SMARCC1: variants seen among roughly 807,000 people sequenced by gnomAD.
The protein encoded by SMARCC1 is SWI/SNF related BAF chromatin remodeling complex subunit C1, also known as SWI/SNF complex subunit SMARCC1.
In SMARCC1, 43 loss-of-function variants were observed where a neutral mutation model predicts 147.4. That is an observed-to-expected ratio of 0.29 (90% CI 0.23 to 0.38). The LOEUF (loss-of-function observed/expected upper bound fraction) is 0.38. SMARCC1 is among the 10% of genes least tolerant of loss of function. The pLI, the probability that SMARCC1 is intolerant of heterozygous loss-of-function variation, is 1.00. For missense variants in SMARCC1, 1,119 were observed against 1,381.1 expected (o/e 0.81, Z 3.01); for synonymous variants, 495 against 484.4 (o/e 1.02, Z -0.29).
chr3:47,780,878 G>C (rs1463082877), intron 1 of SMARCC1, among the ~76,000 whole-genome samples: 1 of 151,924 alleles, frequency 6.6e-6, no homozygotes, highest in African/African-American at 2.4e-5. Flanking sequence ...TCAAAACTTT[G>C]AAAACTACTG....
chr3:47,602,424 A>G (rs2032402432), intron 26 of SMARCC1, among the ~76,000 whole-genome samples: 1 of 152,146 alleles, frequency 6.6e-6, no homozygotes, highest in Non-Finnish European at 1.5e-5. Flanking sequence ...CAGCCTCCCA[A>G]GTAGTTGGGA....
At chr3:47,669,855 G>A (rs1576405538) in intron 19 of SMARCC1, among the ~76,000 whole-genome samples, 1 of 152,324 alleles carries the variant, frequency 6.6e-6, no homozygotes, top group East Asian at 1.9e-4. Flanking sequence ...ATGTCACCAA[G>A]TCCACTCTAT....
At chr3:47,648,369 T>C (rs564473992) in intron 21 of SMARCC1, among the ~76,000 whole-genome samples, 2 of 152,168 alleles carry the variant, frequency 1.3e-5, no homozygotes, top group South Asian at 2.1e-4. Context: ...AAAAATTACA[T>C]GTCCCCTTGT....
At chr3:47,779,408 T>C (rs1227719508) in intron 1 of SMARCC1, among the ~76,000 whole-genome samples, 2 of 152,220 alleles carry the variant, frequency 1.3e-5, no homozygotes, top group African/African-American at 4.8e-5. Flanking sequence ...GCAAAGAACT[T>C]TGTGATAATA....
At chr3:47,758,413 G>C (rs916682920) in intron 2 of SMARCC1, among the ~76,000 whole-genome samples, 2 of 151,806 alleles carry the variant, frequency 1.3e-5, no homozygotes, top group African/African-American at 4.8e-5. Flanking sequence ...GCCACACGTG[G>C]TAGTATATGC....
At chr3:47,737,652 C>CT (rs374973545) in intron 4 of SMARCC1, among the ~76,000 whole-genome samples, 2 of 151,356 alleles carry the variant, frequency 1.3e-5, no homozygotes, top group East Asian at 1.9e-4. Flanking sequence ...GAGAGCCAAT[C>CT]TTTTTTTTGT....
intron 2 of SMARCC1, among the ~76,000 whole-genome samples, chr3:47,763,561 G>C (rs1259617010): frequency 6.6e-6 from 1 of 151,652 alleles, no homozygotes; most frequent in Non-Finnish European, 1.5e-5. Context: ...TCAAACTCTT[G>C]AGCTCAGAGG....
At chr3:47,771,035 C>T (rs1219725128) in intron 2 of SMARCC1, among the ~76,000 whole-genome samples, 12 of 152,102 alleles carry the variant, frequency 7.9e-5, no homozygotes, top group Non-Finnish European at 1.8e-4. Context: ...CTCAGCCTCC[C>T]AAGGAGCTGG....
intron 19 of SMARCC1, chr3:47,670,403 G>T: frequency 2.1e-6 from 1 of 474,330 alleles, no homozygotes; most frequent in South Asian, 3.2e-5. Context: ...TGGACAACAT[G>T]GTGAAAGCCC....
intron 21 of SMARCC1, among the ~76,000 whole-genome samples, chr3:47,660,212 C>T (rs1011216861): frequency 1.3e-5 from 2 of 151,722 alleles, no homozygotes; most frequent in Admixed American, 6.6e-5. Context: ...TTTGGGAGGC[C>T]GAGGCGGGCA....
intron 3 of SMARCC1, among the ~76,000 whole-genome samples, chr3:47,740,621 G>T (rs1026462246): frequency 6.6e-6 from 1 of 152,076 alleles, no homozygotes; most frequent in Non-Finnish European, 1.5e-5. Context: ...TTATAGGCAT[G>T]AGCCAGTGCG....
intron 21 of SMARCC1, among the ~76,000 whole-genome samples, chr3:47,650,163 C>A (rs1473882263): frequency 6.6e-6 from 1 of 151,586 alleles, no homozygotes; most frequent in Non-Finnish European, 1.5e-5. Context: ...GTAGTCCCAG[C>A]TACTTGGGAG....
intron 1 of SMARCC1, among the ~76,000 whole-genome samples, chr3:47,775,449 C>T (rs1258781463): frequency 6.7e-6 from 1 of 148,548 alleles, no homozygotes; most frequent in Non-Finnish European, 1.5e-5. Flanking sequence ...TGTGAGCCAC[C>T]GCGCCCAGCC....
intron 18 of SMARCC1, among the ~76,000 whole-genome samples, chr3:47,672,848 G>A (rs1038142872): frequency 2.6e-5 from 4 of 151,910 alleles, no homozygotes; most frequent in Admixed American, 6.6e-5. Flanking sequence ...TCATGAACTC[G>A]GCTCACTGCA....
intron 19 of SMARCC1, among the ~76,000 whole-genome samples, chr3:47,666,218 T>A (rs1260670560): frequency 6.6e-6 from 1 of 152,180 alleles, no homozygotes; most frequent in African/African-American, 2.4e-5. Flanking sequence ...ACTGGAAACA[T>A]CATGTTTTAG....
intron 21 of SMARCC1, among the ~76,000 whole-genome samples, chr3:47,645,226 G>C (rs2033102763): frequency 6.6e-6 from 1 of 151,550 alleles, no homozygotes; most frequent in Non-Finnish European, 1.5e-5. Context: ...CCTAGGTCAA[G>C]CCTGCACTGA....
At chr3:47,633,763 AATATAT>A (rs1203888918) in intron 24 of SMARCC1, among the ~76,000 whole-genome samples, 5 of 31,704 alleles carry the variant, frequency 1.6e-4, no homozygotes, top group African/African-American at 3.4e-4. Flanking sequence ...AAAAAAAAAA[AATATAT>A]ATATATATAT....
At chr3:47,734,020 CAT>C (rs1290066268) in intron 5 of SMARCC1, among the ~76,000 whole-genome samples, 2 of 151,476 alleles carry the variant, frequency 1.3e-5, no homozygotes, top group Admixed American at 6.6e-5. Flanking sequence ...TATGTATACA[CAT>C]ATGTATATAC....
intron 1 of SMARCC1, among the ~76,000 whole-genome samples, 153 bp from the exon 2 acceptor site, chr3:47,773,089 A>G (rs1228841999): frequency 6.6e-6 from 1 of 152,154 alleles, no homozygotes; most frequent in Non-Finnish European, 1.5e-5. Flanking sequence ...ACAAAAACAA[A>G]TATGTGTGTG....
Sources: gnomAD v4.1 joint callset for allele counts (sites outside exome capture counted in the v4.1 genomes callset) on GRCh38, gnomAD v4.1.1 for gene constraint, MANE v1.5 for transcripts, NCBI Gene and HGNC (gene_info 2026-07-23, HGNC 2026-07-21) for gene names.